The following TAP2 variants were observed in gnomAD, a reference collection of about 807,000 sequenced individuals.
The protein encoded by TAP2 is antigen peptide transporter 2.
TAP2 carries 49 observed loss-of-function variants against 74.7 expected under a neutral mutation model. The observed-to-expected ratio is 0.66, with a 90% confidence interval of 0.52 to 0.83. The LOEUF is 0.83. Ranked by LOEUF, TAP2 falls within the 40% of genes least tolerant of loss-of-function variation. TAP2 has a pLI of 0.00. For missense variants in TAP2, 739 were observed against 859.0 expected, an observed-to-expected ratio of 0.86 and a Z score of 1.75; for synonymous variants, 306 against 368.4, an observed-to-expected ratio of 0.83 and a Z score of 1.94.
At position 32,826,678 on chromosome 6, in the gene TAP2, A is replaced by G. The variant is rs752704120; in HGVS notation, c.*2228T>C. The G allele has an allele frequency of 1.6e-4, 162 of 985,282 alleles. No individual in the cohort carries two copies. Among genetic ancestry groups the G allele is most frequent in the Non-Finnish European group, 1.8e-4 (152 of 829,938 alleles). The allele number at this position is 985,282 out of a possible 1,614,324, so 61.0% of individuals were successfully genotyped here. ...CTGCATCTTCCTGTACTGCCCATCA[A>G]GATAAGTTTTCCACCCAGCTTTATC... On this transcript the variant is annotated 3_prime_UTR_variant, in exon 12 of 12. Coordinates refer to ENST00000374897, the MANE Select transcript of TAP2 (RefSeq NM_001290043.2).
In TAP2 at chr6:32,828,675, G is replaced by GGCCC; in HGVS notation, c.*230_*231insGGGC. 2.3e-6 allele frequency: 2 copies of GGCCC among 884,282 alleles called. No homozygotes were observed. The highest frequency in any genetic ancestry group is 2.7e-6 in the Non-Finnish European group (2 of 735,242). 54.8% of individuals were successfully genotyped at this position (884,282 alleles called of 1,614,324 possible). On this transcript the variant is annotated 3_prime_UTR_variant, in exon 12 of 12. Coordinates refer to ENST00000374897, the MANE Select transcript of TAP2 (RefSeq NM_001290043.2). Reference sequence around the variant, plus strand: ...GAATTAAGTTTCCTGGACACAGACAGCCCCCACCCCACCCCACCCCACCTC... The same window carrying GGCCC: ...GAATTAAGTTTCCTGGACACAGACAGGCCCCCCCCACCCCACCCCACCCCACCTC...
At position 32,828,740 on chromosome 6, in the gene TAP2, G is replaced by A. The variant is rs555476722; in HGVS notation, c.*166C>T. On this transcript the variant is annotated 3_prime_UTR_variant, in exon 12 of 12. Coordinates refer to ENST00000374897, the MANE Select transcript of TAP2 (RefSeq NM_001290043.2). ...AGCACACAGTGTCCAAATCTCCATCGTGCCTGCAACTCAGGAACAGCTATC... is the reference window on the plus strand; with the variant it reads ...AGCACACAGTGTCCAAATCTCCATCATGCCTGCAACTCAGGAACAGCTATC... 1.7e-5 allele frequency: 18 copies of A among 1,057,746 alleles called. No homozygotes were observed. Among genetic ancestry groups the A allele is most frequent in the Admixed American group, 1.0e-4 (2 of 19,484 alleles). The allele number at this position is 1,057,746 out of a possible 1,614,324, so 65.5% of individuals were successfully genotyped here.
rs745636513 is a variant in TAP2 at position 32,832,299 on chromosome 6, G to C, written c.1272+34C>G. The stretch of plus-strand genomic sequence containing the variant: ...AGGAGTCCACAAAGAAAAAGAGAGG[G>C]AAAAAAGGAGAGCAGGCTTGGCTTC... On this transcript the variant is annotated intron_variant, in intron 7 of 11. Transcript: ENST00000374897. The surrounding 1 kb of genome is among the most constrained non-coding windows in gnomAD (Gnocchi z 5.9). 1 of 1,612,756 alleles carries C rather than the reference G, an allele frequency of 6.2e-7. No individual in the cohort carries two copies.
Position 32,825,693 on chromosome 6 carries a change from T to TTAAA in TAP2, c.*3209_*3212dup, listed in dbSNP as rs1286205174. The TTAAA allele has an allele frequency of 2.0e-5, 3 of 151,594 alleles. No homozygotes were observed. Among genetic ancestry groups the TTAAA allele is most frequent in the African/African-American group, 4.9e-5 (2 of 40,952 alleles). 9.4% of individuals were successfully genotyped at this position (151,594 alleles called of 1,614,324 possible). A position where few individuals can be genotyped will look rare whatever the true frequency, so the allele number is the denominator to read the frequency against. ...CAAACCACATTCATATATTGCTTAT[T>TTAAA]TAAATAAATAAATAATATATTTTAA... On this transcript the variant is annotated 3_prime_UTR_variant, in exon 12 of 12. Coordinates refer to ENST00000374897, the MANE Select transcript of TAP2 (RefSeq NM_001290043.2).
chr6:32,835,793 G>C lies in TAP2; in HGVS notation c.609-20C>G. Reference sequence around the variant, plus strand: ...AGTGAGCTGTGGGGTAGGAGAATAAGAGGGGAGGGAGATGCAGAGAAGGAG... The same window carrying C: ...AGTGAGCTGTGGGGTAGGAGAATAACAGGGGAGGGAGATGCAGAGAAGGAG... On this transcript the variant is annotated intron_variant, in intron 3 of 11. Coordinates refer to ENST00000374897, the MANE Select transcript of TAP2 (RefSeq NM_001290043.2). The surrounding 1 kb of genome is among the most constrained non-coding windows in gnomAD (Gnocchi z 4.0). 1 of 1,613,174 alleles carries C rather than the reference G, an allele frequency of 6.2e-7. No homozygotes were observed. Among genetic ancestry groups the C allele is most frequent in the Non-Finnish European group, 8.5e-7 (1 of 1,179,990 alleles).
Position 32,835,136 on chromosome 6 carries a change from C to T in TAP2, c.945+18G>A. The T allele has an allele frequency of 6.2e-7, 1 of 1,611,626 alleles. No homozygotes were observed. Among genetic ancestry groups the T allele is most frequent in the Non-Finnish European group, 8.5e-7 (1 of 1,179,864 alleles). On this transcript the variant is annotated intron_variant, in intron 5 of 11. Coordinates refer to ENST00000374897, the MANE Select transcript of TAP2 (RefSeq NM_001290043.2). This position sits in a 1 kb window ranked among gnomAD's most constrained non-coding sequence, Gnocchi z 4.0. ...CAGTTTTATTCTCCCTTTGGGGTTC[C>T]CTTACATGCACGCTCACCTGATGGC...
downstream of TAP2, chr6:32,822,171 A>G: frequency 1.2e-6 from 1 of 860,590 alleles, no homozygotes; most frequent in Non-Finnish European, 1.9e-6. Flanking sequence ...TATTTGCCTC[A>G]ATTTCCCTGT....
Position 32,835,894 on chromosome 6 carries a change from G to A in TAP2, c.609-121C>T. ...AAGTCAGGGGAAAGCATGCCAGGAG[G>A]GGCAAAAGAGAAAGAAATGAGAGAC... On this transcript the variant is annotated intron_variant, in intron 3 of 11. Transcript: ENST00000374897. This position sits in a 1 kb window ranked among gnomAD's most constrained non-coding sequence, Gnocchi z 4.0. 1.6e-6 allele frequency: 2 copies of A among 1,249,398 alleles called. No individual in the cohort carries two copies. The highest frequency in any genetic ancestry group is 2.3e-6 in the Non-Finnish European group (2 of 867,784). 77.4% of individuals were successfully genotyped at this position (1,249,398 alleles called of 1,614,324 possible). A position where few individuals can be genotyped will look rare whatever the true frequency, so the allele number is the denominator to read the frequency against.
rs569356622 is a variant in TAP2, at chr6:32,832,415, T to C, written c.1190A>G (p.Gln397Arg). ...GGTGAGCTCCCCATCCTGCATCTGC[T>C]GCAGCCCACAGCTCAGCATCAGCAT... ...VQMLMLSCGLQQMQDGELTQG... is the reference protein window; with the variant it reads ...VQMLMLSCGLRQMQDGELTQG... Residue 397 changes from glutamine to arginine, a missense_variant, in exon 7 of 12, where the codon CAG (glutamine) becomes CGG (arginine). Coordinates refer to ENST00000374897, the MANE Select transcript of TAP2 (RefSeq NM_001290043.2). The surrounding 1 kb of genome is among the most constrained non-coding windows in gnomAD (Gnocchi z 5.9). The C allele has an allele frequency of 5.0e-5, 80 of 1,612,952 alleles. 1 individual carries two copies. In the South Asian group the frequency reaches 6.4e-4, roughly 13 times the overall value.
chr6:32,830,216 C>T, intron 9 of TAP2, 51 bp downstream of exon 9: 1 of 1,612,936 alleles, frequency 6.2e-7, no homozygotes, highest in Non-Finnish European at 8.5e-7. Context: ...CCCATCCTCT[C>T]TCTGTACATG....
In TAP2 at chr6:32,825,704, AATAAT is replaced by A. The variant is rs1338043028; in HGVS notation, c.*3197_*3201del. ...CATATATTGCTTATTTAAATAAATA[AATAAT>A]ATATTTTAAAAAGAGGATAGTAGGA... On this transcript the variant is annotated 3_prime_UTR_variant, in exon 12 of 12. Coordinates refer to ENST00000374897, the MANE Select transcript of TAP2 (RefSeq NM_001290043.2). The A allele has an allele frequency of 6.6e-6, 1 of 150,790 alleles. No individual in the cohort carries two copies. Among genetic ancestry groups the A allele is most frequent in the Non-Finnish European group, 1.5e-5 (1 of 67,990 alleles). 9.3% of individuals were successfully genotyped at this position (150,790 alleles called of 1,614,324 possible). A position where few individuals can be genotyped will look rare whatever the true frequency, so the allele number is the denominator to read the frequency against.
rs913226849 is a variant in TAP2, at chr6:32,838,680, G to A, written c.-32C>T. 33 of 168,428 alleles carry A rather than the reference G, an allele frequency of 2.0e-4. No homozygotes were observed. The highest frequency in any genetic ancestry group is 3.2e-4 in the Non-Finnish European group (25 of 79,220). The allele number at this position is 168,428 out of a possible 1,614,324, so 10.4% of individuals were successfully genotyped here. A position where few individuals can be genotyped will look rare whatever the true frequency, so the allele number is the denominator to read the frequency against. On this transcript the variant is annotated 5_prime_UTR_variant, in exon 1 of 12. Coordinates refer to ENST00000374897, the MANE Select transcript of TAP2 (RefSeq NM_001290043.2). The stretch of plus-strand genomic sequence containing the variant: ...GCCGCGGCGGGGAGACCGCAGCTCC[G>A]GGGACTTCTGCTTCAGCGCTGAGGT...
At position 32,832,601 on chromosome 6, in the gene TAP2, C is replaced by T. The variant is rs764482298; in HGVS notation, c.1143+26G>A. The stretch of plus-strand genomic sequence containing the variant: ...CTTGCCCTCCCCCTTTCCTGGGCTC[C>T]TTTCACAACCACTCTGGTATCTTAC... On this transcript the variant is annotated intron_variant, in intron 6 of 11. Transcript: ENST00000374897. The surrounding 1 kb of genome is among the most constrained non-coding windows in gnomAD (Gnocchi z 5.9). 6 of 1,612,928 alleles carry T rather than the reference C, an allele frequency of 3.7e-6. No individual in the cohort carries two copies. In the African/African-American group the frequency reaches 8.0e-5, roughly 22 times the overall value.
In TAP2 at chr6:32,830,266, C is replaced by A. The variant is rs755005828; in HGVS notation, c.1635+1G>T. The A allele has an allele frequency of 6.2e-7, 1 of 1,613,140 alleles. No homozygotes were observed. The highest frequency in any genetic ancestry group is 8.5e-7 in the Non-Finnish European group (1 of 1,180,022). On this transcript the variant is annotated splice_donor_variant, in intron 9 of 11. Coordinates refer to ENST00000374897, the MANE Select transcript of TAP2 (RefSeq NM_001290043.2). LOFTEE classifies it high-confidence loss of function. ...CCCCTGTCTTCTCCCTCCTCACCCA[C>A]CTGGCTGTGCAGGTAGCAGTGTTCA...
chr6:32,831,000 A>G (rs148488479), intron 7 of TAP2, among the ~76,000 whole-genome samples, 194 bp from the exon 8 acceptor site: 1,625 of 152,328 alleles, frequency 0.011, 28 homozygotes, highest in African/African-American at 0.03. Flanking sequence ...AATTTGCAAT[A>G]TAAAGGATAT....
At chr6:32,831,597 G>A (rs1371446175) in intron 7 of TAP2, among the ~76,000 whole-genome samples, 1 of 152,184 alleles carries the variant, frequency 6.6e-6, no homozygotes. Context: ...CAATAGACAG[G>A]AAGTACAGAG....
downstream of TAP2, among the ~76,000 whole-genome samples, chr6:32,824,901 TAC>T (rs1768535086): frequency 6.6e-6 from 1 of 152,092 alleles, no homozygotes; most frequent in African/African-American, 2.4e-5. Context: ...TTTTTATCGT[TAC>T]AGTCATATTT....
intron 5 of TAP2, among the ~76,000 whole-genome samples, chr6:32,834,728 C>T (rs1003063055): frequency 6.6e-6 from 1 of 152,216 alleles, no homozygotes; most frequent in African/African-American, 2.4e-5. Flanking sequence ...CTGATGACGC[C>T]TCCTTTCCCT....
chr6:32,823,429 A>ATTTTTTTTT (rs9280195), downstream of TAP2, among the ~76,000 whole-genome samples: 6 of 64,568 alleles, frequency 9.3e-5, no homozygotes, highest in East Asian at 4.1e-4. Flanking sequence ...GTCACACTCA[A>ATTTTTTTTT]TTTTTTTTTT....
Sources: allele counts gnomAD v4.1 joint callset (sites outside exome capture counted in the v4.1 genomes callset), GRCh38; gene constraint gnomAD v4.1.1; non-coding constraint Gnocchi (gnomAD v3.1); transcripts MANE v1.5; gene names NCBI Gene and HGNC (gene_info 2026-07-23, HGNC 2026-07-21).